USP34: variants seen among roughly 807,000 people sequenced by gnomAD.
USP34 encodes ubiquitin carboxyl-terminal hydrolase 34.
In USP34, 70 loss-of-function variants were observed where a neutral mutation model predicts 460.3. The ratio of observed to expected loss-of-function variants is 0.15; its 90% CI spans 0.13 to 0.19. USP34 has a LOEUF of 0.19. USP34 is among the 10% of genes least tolerant of loss of function. The pLI is 1.00. For synonymous variants in USP34, 1,647 were observed against 1,405.3 expected (o/e 1.17, Z -3.85); for missense variants, 3,985 against 4,236.2 (o/e 0.94, Z 1.65).
At chr2:61,332,587 C>T (rs1304141379) in intron 19 of USP34, among the ~76,000 whole-genome samples, 4 of 151,946 alleles carry the variant, frequency 2.6e-5, no homozygotes, top group South Asian at 2.1e-4. Context: ...GACACCTGCT[C>T]GCCCGTGTTA....
At chr2:61,440,831 TAAA>T (rs573344581) in intron 1 of USP34, among the ~76,000 whole-genome samples, 1 of 143,160 alleles carries the variant, frequency 7.0e-6, no homozygotes, top group Admixed American at 7.0e-5. Flanking sequence ...TTTTTTAATT[TAAA>T]AAAAAAAAAA....
intron 1 of USP34, among the ~76,000 whole-genome samples, chr2:61,435,735 A>G (rs1694794310): frequency 6.6e-6 from 1 of 152,210 alleles, no homozygotes; most frequent in Admixed American, 6.5e-5. Context: ...CCCCATTTAA[A>G]AGTTATACAC....
intron 1 of USP34, among the ~76,000 whole-genome samples, chr2:61,431,747 T>C (rs1276747648): frequency 2.0e-5 from 3 of 151,914 alleles, no homozygotes; most frequent in African/African-American, 4.8e-5. Context: ...CCCAGCTACT[T>C]GAGACCCGCG....
At chr2:61,264,119 A>G (rs1242112288) in intron 43 of USP34, among the ~76,000 whole-genome samples, 23 of 152,316 alleles carry the variant, frequency 1.5e-4, no homozygotes, top group Non-Finnish European at 2.1e-4. Context: ...TTTATTCAGA[A>G]ATATTTCCAT....
chr2:61,296,119 C>G (rs1045469517), intron 30 of USP34, among the ~76,000 whole-genome samples: 1 of 152,020 alleles, frequency 6.6e-6, no homozygotes, highest in African/African-American at 2.4e-5. Flanking sequence ...ATGAGCCAGG[C>G]ATGGTGCACA....
intron 1 of USP34, among the ~76,000 whole-genome samples, chr2:61,442,372 C>T (rs1442838220): frequency 7.8e-6 from 1 of 128,600 alleles, no homozygotes; most frequent in Admixed American, 8.1e-5. Context: ...GGATTAACAT[C>T]AAGAATTTAC....
chr2:61,339,648 T>G lies in USP34; in HGVS notation c.2534A>C (p.Asn845Thr). The change falls in exon 17 of 80, where the codon AAT becomes ACT. Residue 845 changes from asparagine to threonine, a missense_variant. Coordinates refer to ENST00000398571, the MANE Select transcript of USP34 (RefSeq NM_014709.4). ...PVVHKHQFNS[N>T]AVTDINLDNV... is the part of the protein sequence containing the mutation. ...ATCCAAATTAATGTCTGTAACAGCA[T>G]TACTGTTGAATTGATGTTTATGAAC... is the stretch of plus-strand genomic sequence containing the variant. The G allele has an allele frequency of 6.4e-7, 1 of 1,558,462 alleles. No individual in the cohort carries two copies. Among genetic ancestry groups the G allele is most frequent in the Non-Finnish European group, 8.6e-7 (1 of 1,160,036 alleles).
chr2:61,426,596 C>A (rs889019833), intron 1 of USP34, among the ~76,000 whole-genome samples: 3 of 152,200 alleles, frequency 2.0e-5, no homozygotes, highest in Admixed American at 2.0e-4. Flanking sequence ...TCTTAACTCC[C>A]AGACAACACT....
At chr2:61,393,797 A>C (rs1380799656) in intron 5 of USP34, among the ~76,000 whole-genome samples, 1 of 152,200 alleles carries the variant, frequency 6.6e-6, no homozygotes, top group Non-Finnish European at 1.5e-5. Flanking sequence ...TTATGACCAG[A>C]ATAGGTTATT....
intron 10 of USP34, among the ~76,000 whole-genome samples, chr2:61,356,528 C>T (rs1229115908): frequency 6.6e-6 from 1 of 151,738 alleles, no homozygotes; most frequent in African/African-American, 2.4e-5. Flanking sequence ...TACTATTCAT[C>T]CTTAAAAACG....
chr2:61,327,022 G>A (rs1161185958), intron 20 of USP34, among the ~76,000 whole-genome samples: 1 of 151,866 alleles, frequency 6.6e-6, no homozygotes, highest in Non-Finnish European at 1.5e-5. Flanking sequence ...CTGACCTCAG[G>A]TGACCCACCC....
rs77259533 is a variant in USP34 at position 61,211,654 on chromosome 2, C to T, written c.8840+118G>A. ...GTAGTTCATGAACCTTCAAAATGTT[C>T]CAAAGTGGCTACATGCACAAATGCT... On this transcript the variant is annotated intron_variant, in intron 69 of 79. Coordinates refer to ENST00000398571, the MANE Select transcript of USP34 (RefSeq NM_014709.4). 3,124 of 1,124,772 alleles carry T rather than the reference C, an allele frequency of 2.8e-3. 121 individuals are homozygous for T. In the East Asian group the frequency reaches 0.082, roughly 30 times the overall value. 69.7% of individuals were successfully genotyped at this position (1,124,772 alleles called of 1,614,324 possible).
intron 1 of USP34, among the ~76,000 whole-genome samples, chr2:61,446,118 A>AC (rs1427975543): frequency 2.0e-5 from 3 of 151,252 alleles, no homozygotes; most frequent in Non-Finnish European, 4.4e-5. Context: ...TGTCTCAAAA[A>AC]AAAAAAAAAA....
chr2:61,394,611 T>C (rs896937140), intron 5 of USP34, among the ~76,000 whole-genome samples: 1 of 150,490 alleles, frequency 6.6e-6, no homozygotes, highest in African/African-American at 2.4e-5. Context: ...CTATCTTAGA[T>C]AAAATAGATA....
rs1275466266 is a variant in USP34, at chr2:61,406,132, T to C, written c.132-4A>G. 6.5e-7 allele frequency: 1 copy of C among 1,533,136 alleles called. No individual in the cohort carries two copies. Among genetic ancestry groups the C allele is most frequent in the Admixed American group, 2.3e-5 (1 of 43,004 alleles). The allele number at this position is 1,533,136 out of a possible 1,614,324, so 95.0% of individuals were successfully genotyped here. A position where few individuals can be genotyped will look rare whatever the true frequency, so the allele number is the denominator to read the frequency against. On this transcript the variant is annotated splice_polypyrimidine_tract_variant and splice_region_variant and intron_variant, in intron 2 of 79. Transcript: ENST00000398571. ...CTTGAAGCAGCATAGACATTGCCTA[T>C]AAGAGAAAAAAAATTGAATAAATTA...
At chr2:61,335,200 A>C (rs1039485721) in intron 18 of USP34, among the ~76,000 whole-genome samples, 1 of 152,218 alleles carries the variant, frequency 6.6e-6, no homozygotes, top group Non-Finnish European at 1.5e-5. Flanking sequence ...AATCAAATAT[A>C]AAACTCGTTC....
At chr2:61,454,739 G>T (rs1211663319) in intron 1 of USP34, among the ~76,000 whole-genome samples, 1 of 150,420 alleles carries the variant, frequency 6.6e-6, no homozygotes, top group Admixed American at 6.6e-5. Context: ...TAGTAGACAT[G>T]GGTTTCACCA....
chr2:61,365,381 AAC>A (rs1692405217), intron 10 of USP34, among the ~76,000 whole-genome samples: 1 of 152,064 alleles, frequency 6.6e-6, no homozygotes, highest in Non-Finnish European at 1.5e-5. Flanking sequence ...AACAAAACAG[AAC>A]ACAAAAACCC....
chr2:61,446,604 T>G (rs1695124430), intron 1 of USP34, among the ~76,000 whole-genome samples: 1 of 152,074 alleles, frequency 6.6e-6, no homozygotes, highest in Non-Finnish European at 1.5e-5. Flanking sequence ...GAGACCAGCC[T>G]GGCCAACATG....
Sources: allele counts gnomAD v4.1 joint callset (sites outside exome capture counted in the v4.1 genomes callset), GRCh38; gene constraint gnomAD v4.1.1; transcripts MANE v1.5; gene names NCBI Gene and HGNC (gene_info 2026-07-23, HGNC 2026-07-21).